Variants in AHCYL1 observed in about 807,000 individuals in gnomAD.
AHCYL1 encodes the protein S-adenosylhomocysteine hydrolase-like protein 1.
A neutral mutation model predicts 79.3 loss-of-function variants in AHCYL1; 20 were observed. The ratio of observed to expected loss-of-function variants is 0.25; its 90% confidence interval spans 0.18 to 0.37. The LOEUF (loss-of-function observed/expected upper bound fraction) is 0.37, where lower values mean the gene tolerates loss of function less well. AHCYL1 is among the 10% of genes least tolerant of loss of function. AHCYL1 has a pLI of 1.00. For missense variants in AHCYL1, 330 were observed against 673.6 expected (o/e 0.49, Z 5.65); for synonymous variants, 223 against 242.2 (o/e 0.92, Z 0.74).
At chr1:109,990,824 C>T (rs574019763) in intron 1 of AHCYL1, among the ~76,000 whole-genome samples, 1 of 152,300 alleles carries the variant, frequency 6.6e-6, no homozygotes, top group South Asian at 2.1e-4. Flanking sequence ...CCTTAAACTT[C>T]AGGTGTTTGG....
chr1:110,013,657 C>G (rs1288544140), intron 5 of AHCYL1, among the ~76,000 whole-genome samples: 1 of 151,864 alleles, frequency 6.6e-6, no homozygotes, highest in African/African-American at 2.4e-5. Context: ...CTGCAGTGAG[C>G]CGAGATCATG....
chr1:109,997,197 G>A (rs1650076237), intron 1 of AHCYL1, among the ~76,000 whole-genome samples: 1 of 152,194 alleles, frequency 6.6e-6, no homozygotes, highest in Non-Finnish European at 1.5e-5. Context: ...AGTCAAGTCA[G>A]AATAAGAATT....
At chr1:110,020,925 T>C (rs1458369933) in intron 16 of AHCYL1, 74 bp downstream of exon 16, 1 of 1,525,608 alleles carries the variant, frequency 6.6e-7, no homozygotes, top group East Asian at 2.3e-5. Context: ...GCTTCTGACA[T>C]AAAGATCAAA....
intron 1 of AHCYL1, among the ~76,000 whole-genome samples, chr1:109,994,675 T>G (rs1271368521): frequency 6.6e-6 from 1 of 152,210 alleles, no homozygotes; most frequent in East Asian, 1.9e-4. Flanking sequence ...CAGTTTCTTA[T>G]GGGTGGCCAG....
At chr1:110,013,451 T>C (rs1651196844) in intron 5 of AHCYL1, among the ~76,000 whole-genome samples, 1 of 152,220 alleles carries the variant, frequency 6.6e-6, no homozygotes, top group Non-Finnish European at 1.5e-5. Flanking sequence ...GGCCCACGCC[T>C]ATAATCCCAG....
intron 2 of AHCYL1, among the ~76,000 whole-genome samples, chr1:110,010,701 G>A (rs916180592): frequency 1.3e-5 from 2 of 152,212 alleles, no homozygotes; most frequent in African/African-American, 4.8e-5. Flanking sequence ...CTGGTAACTT[G>A]TTGGAACTAC....
In AHCYL1 at chr1:110,011,208, C is replaced by T. The variant is rs1314332339; in HGVS notation, c.233-6C>T. The T allele has an allele frequency of 1.9e-6, 3 of 1,612,700 alleles. No homozygotes were observed. The highest frequency in any genetic ancestry group is 1.7e-5 in the Admixed American group (1 of 59,656). On this transcript the variant is annotated splice_polypyrimidine_tract_variant and splice_region_variant and intron_variant, in intron 2 of 16. Transcript: ENST00000369799. ...CTATCCTTGTTTTTTTCTTTCCTGG[C>T]TCTAGCTGCATCCTACACAGATAGC...
At position 110,018,063 on chromosome 1, in the gene AHCYL1, A is replaced by C. The variant is rs1239063103; in HGVS notation, c.1123+47A>C. ...GTGTTTATTCAGAGGCTAAATCTTGAAAGTAGTCTGAGTGACTTTCATACA... is the reference window on the plus strand; with the variant it reads ...GTGTTTATTCAGAGGCTAAATCTTGCAAGTAGTCTGAGTGACTTTCATACA... On this transcript the variant is annotated intron_variant, in intron 11 of 16. Transcript: ENST00000369799. The C allele has an allele frequency of 4.4e-6, 7 of 1,597,856 alleles. No individual in the cohort carries two copies. In the African/African-American group the frequency reaches 5.4e-5, roughly 12 times the overall value.
intron 5 of AHCYL1, 30 bp from the exon 6 acceptor site, chr1:110,014,733 G>A: frequency 6.4e-7 from 1 of 1,559,916 alleles, no homozygotes; most frequent in Non-Finnish European, 8.8e-7. Context: ...CTCAAAGGAG[G>A]AATCAGCTGA....
Position 109,984,888 on chromosome 1 carries a change from A to G in AHCYL1, c.-165A>G, listed in dbSNP as rs1384564503. 8.8e-7 allele frequency: 1 copy of G among 1,142,078 alleles called. No individual in the cohort carries two copies. Among genetic ancestry groups the G allele is most frequent in the Non-Finnish European group, 1.1e-6 (1 of 892,286 alleles). 70.7% of individuals were successfully genotyped at this position (1,142,078 alleles called of 1,614,324 possible). ...GGCTGCCTTGGGCTGCCGAACAGACAAGGCGTGGGCCACAGCACCTCAGAA... is the reference window on the plus strand; with the variant it reads ...GGCTGCCTTGGGCTGCCGAACAGACGAGGCGTGGGCCACAGCACCTCAGAA... On this transcript the variant is annotated 5_prime_UTR_variant, in exon 1 of 17. Coordinates refer to ENST00000369799, the MANE Select transcript of AHCYL1 (RefSeq NM_006621.7).
At chr1:110,019,211 A>C in intron 14 of AHCYL1, 92 bp downstream of exon 14, 1 of 1,249,224 alleles carries the variant, frequency 8.0e-7, no homozygotes, top group Non-Finnish European at 1.2e-6. Context: ...CTATGTTCTC[A>C]TCATCCTATT....
rs374221474 is a variant in AHCYL1 at position 109,997,769 on chromosome 1, T to C, written c.121-11265T>C. 1.1e-4 allele frequency among the ~76,000 whole-genome samples: 16 copies of C among 152,290 alleles called. 1 individual carries two copies. In the East Asian group the frequency reaches 1.9e-3, roughly 18 times the overall value. On this transcript the variant is annotated intron_variant, in intron 1 of 16. Transcript: ENST00000369799. ...AGCCGGATTTAGAGGTTGGAGCACA[T>C]AGAGTCCTGTGCTAGTTCCACCTTT...
intron 3 of AHCYL1, among the ~76,000 whole-genome samples, chr1:110,011,705 A>T (rs1651046678): frequency 6.6e-6 from 1 of 152,244 alleles, no homozygotes; most frequent in African/African-American, 2.4e-5. Flanking sequence ...CCAATGGCAG[A>T]GACCCAGATT....
chr1:109,986,184 A>G (rs1182844366), intron 1 of AHCYL1, among the ~76,000 whole-genome samples: 1 of 152,202 alleles, frequency 6.6e-6, no homozygotes, highest in African/African-American at 2.4e-5. Context: ...CCTTCTTTAT[A>G]AAGACAGAGT....
intron 1 of AHCYL1, among the ~76,000 whole-genome samples, chr1:109,986,794 C>T (rs1649491794): frequency 6.6e-6 from 1 of 152,156 alleles, no homozygotes; most frequent in African/African-American, 2.4e-5. Flanking sequence ...ACCTTTGTAT[C>T]CAGTGTGCCT....
chr1:110,013,310 A>G (rs1651174408), intron 5 of AHCYL1, among the ~76,000 whole-genome samples: 1 of 152,246 alleles, frequency 6.6e-6, no homozygotes, highest in Admixed American at 6.5e-5. Flanking sequence ...AGAGAGCACA[A>G]GTAAGAAGTA....
At position 109,989,155 on chromosome 1, in the gene AHCYL1, A is replaced by T. The variant is rs17025298; in HGVS notation, c.120+3983A>T. Among the ~76,000 whole-genome samples, 813 of 152,276 alleles carry T rather than the reference A, an allele frequency of 5.3e-3. 5 individuals carry two copies. The highest frequency in any genetic ancestry group is 0.019 in the African/African-American group (785 of 41,552). On this transcript the variant is annotated intron_variant, in intron 1 of 16. Transcript: ENST00000369799. ...AGATTTCTCCGCAGGTATTGATTAC[A>T]TCTCTTTTTCTTGTTTGGTTTAGTT...
rs770920639 is a variant in AHCYL1 at position 110,001,055 on chromosome 1, G to A, written c.121-7979G>A. The A allele has an allele frequency of 9.9e-6, 7 of 706,324 alleles. No homozygotes were observed. The South Asian group carries it at 1.9e-4, about 19-fold the overall frequency. The allele number at this position is 706,324 out of a possible 1,614,324, so 43.8% of individuals were successfully genotyped here. Reference sequence around the variant, plus strand: ...AAAAATCTTCATGTAGTGCTATCAGGTGGTGTTACCAGTGATGCTTGTTCT... The same window carrying A: ...AAAAATCTTCATGTAGTGCTATCAGATGGTGTTACCAGTGATGCTTGTTCT... On this transcript the variant is annotated intron_variant, in intron 1 of 16. Coordinates refer to ENST00000369799, the MANE Select transcript of AHCYL1 (RefSeq NM_006621.7).
intron 1 of AHCYL1, among the ~76,000 whole-genome samples, chr1:109,987,351 A>G (rs1284774651): frequency 6.6e-6 from 1 of 152,176 alleles, no homozygotes; most frequent in Non-Finnish European, 1.5e-5. Flanking sequence ...AGAGGGAAAA[A>G]AGTAACTTGG....
Sources: gnomAD v4.1 joint callset for allele counts (sites outside exome capture counted in the v4.1 genomes callset) on GRCh38, gnomAD v4.1.1 for gene constraint, MANE v1.5 for transcripts, NCBI Gene and HGNC (gene_info 2026-07-23, HGNC 2026-07-21) for gene names.